STXBP6: variants seen among roughly 807,000 people sequenced by gnomAD.
STXBP6 encodes syntaxin-binding protein 6.
A neutral mutation model predicts 26.9 loss-of-function variants in STXBP6; 21 were observed. The observed-to-expected ratio is 0.78, with a 90% CI of 0.55 to 1.12. The LOEUF is 1.12. Among genes scored for constraint, STXBP6 ranks in the 50% most tolerant of loss-of-function variants. STXBP6 has a pLI of 0.00. For synonymous variants in STXBP6, 97 were observed against 92.6 expected, an observed-to-expected ratio of 1.05 and a Z score of -0.27; for missense variants, 232 against 257.9, an observed-to-expected ratio of 0.90 and a Z score of 0.69.
rs772558856 is a variant in STXBP6 at position 24,845,440 on chromosome 14, AC to A, written c.451+10495del. 7.9e-5 allele frequency among the ~76,000 whole-genome samples: 12 copies of A among 152,302 alleles called. No individual in the cohort carries two copies. The East Asian group carries it at 9.6e-4, about 12-fold the overall frequency. On this transcript the variant is annotated intron_variant, in intron 4 of 5. Transcript: ENST00000323944. ...AGTATACCAGCTGCTAAAGTAAGGA[AC>A]TTTTTGATATTACAGAACATGGCAA...
At chr14:24,915,616 T>C (rs1458223850) in intron 2 of STXBP6, among the ~76,000 whole-genome samples, 1 of 152,160 alleles carries the variant, frequency 6.6e-6, no homozygotes, top group Non-Finnish European at 1.5e-5. Context: ...TATGAGGTCA[T>C]AGCATGTGTA....
At chr14:24,998,503 C>T (rs1311824408) in intron 1 of STXBP6, among the ~76,000 whole-genome samples, 1 of 152,102 alleles carries the variant, frequency 6.6e-6, no homozygotes, top group South Asian at 2.1e-4. Flanking sequence ...CAGGGAATAA[C>T]AAAAGCTCTT....
chr14:24,835,467 T>C (rs991602264), intron 4 of STXBP6, among the ~76,000 whole-genome samples: 2 of 152,190 alleles, frequency 1.3e-5, no homozygotes, highest in East Asian at 1.9e-4. Context: ...GTCAATGACA[T>C]TGTTTTTGTA....
intron 2 of STXBP6, among the ~76,000 whole-genome samples, chr14:24,897,271 G>A (rs1416876279): frequency 4.0e-5 from 6 of 151,732 alleles, no homozygotes; most frequent in Admixed American, 6.6e-5. Flanking sequence ...TTAGCCAGGC[G>A]TGGTGGTGGG....
intron 2 of STXBP6, among the ~76,000 whole-genome samples, chr14:24,879,171 AT>A (rs1304936976): frequency 6.6e-6 from 1 of 152,206 alleles, no homozygotes; most frequent in Non-Finnish European, 1.5e-5. Flanking sequence ...CATCTACTGA[AT>A]TTATCATTCC....
chr14:25,037,558 A>G (rs1210781671), intron 1 of STXBP6, among the ~76,000 whole-genome samples: 2 of 152,188 alleles, frequency 1.3e-5, no homozygotes, highest in Non-Finnish European at 2.9e-5. Context: ...TTTACAGGCA[A>G]GTGTTATAAA....
intron 4 of STXBP6, among the ~76,000 whole-genome samples, chr14:24,855,559 A>G (rs1356365628): frequency 3.9e-5 from 6 of 152,116 alleles, no homozygotes; most frequent in African/African-American, 1.4e-4. Context: ...CTTGAGAAAA[A>G]ATAGAAAAAG....
At chr14:25,005,330 A>C (rs763685296) in intron 1 of STXBP6, among the ~76,000 whole-genome samples, 15 of 152,210 alleles carry the variant, frequency 9.9e-5, no homozygotes, top group Non-Finnish European at 2.1e-4. Flanking sequence ...ACCATATTCA[A>C]AATGAAATAA....
At chr14:24,860,187 A>C (rs2069484495) in intron 2 of STXBP6, among the ~76,000 whole-genome samples, 1 of 152,208 alleles carries the variant, frequency 6.6e-6, no homozygotes, top group Non-Finnish European at 1.5e-5. Flanking sequence ...TACAAACAAA[A>C]TTCGAAAACT....
At chr14:24,866,688 G>A (rs1367494555) in intron 2 of STXBP6, among the ~76,000 whole-genome samples, 1 of 151,712 alleles carries the variant, frequency 6.6e-6, no homozygotes, top group Non-Finnish European at 1.5e-5. Flanking sequence ...TCAAGGATTG[G>A]AGGACTTAAT....
At chr14:24,889,163 T>A (rs1288419327) in intron 2 of STXBP6, among the ~76,000 whole-genome samples, 2 of 149,402 alleles carry the variant, frequency 1.3e-5, no homozygotes, top group East Asian at 4.0e-4. Context: ...ACTTTTAAGG[T>A]CCTCTTCTTA....
At chr14:24,834,512 A>G (rs1484349585) in intron 4 of STXBP6, among the ~76,000 whole-genome samples, 1 of 152,224 alleles carries the variant, frequency 6.6e-6, no homozygotes, top group African/African-American at 2.4e-5. Context: ...GTATTGAGGA[A>G]TAAATAGTCC....
At chr14:24,933,949 C>T (rs891090078) in intron 2 of STXBP6, among the ~76,000 whole-genome samples, 19 of 151,884 alleles carry the variant, frequency 1.3e-4, no homozygotes, top group South Asian at 4.1e-4. Context: ...TTTAGGGACC[C>T]GAGAATTAGT....
intron 2 of STXBP6, among the ~76,000 whole-genome samples, chr14:24,940,173 C>T (rs1329198078): frequency 6.6e-6 from 1 of 152,114 alleles, no homozygotes; most frequent in Non-Finnish European, 1.5e-5. Flanking sequence ...AGCAGAACAC[C>T]CAGCTGATGT....
chr14:24,917,203 G>C (rs555481910), intron 2 of STXBP6, among the ~76,000 whole-genome samples: 1 of 151,838 alleles, frequency 6.6e-6, no homozygotes, highest in Non-Finnish European at 1.5e-5. Context: ...TTAACAACTC[G>C]GCACAATTTT....
intron 2 of STXBP6, among the ~76,000 whole-genome samples, chr14:24,969,428 A>T (rs531965567): frequency 6.6e-6 from 1 of 152,340 alleles, no homozygotes; most frequent in Non-Finnish European, 1.5e-5. Context: ...CTGATGTCTA[A>T]TAACAAACTG....
At chr14:24,818,217 A>T (rs2068036972) in intron 5 of STXBP6, 1 of 443,444 alleles carries the variant, frequency 2.3e-6, no homozygotes, top group African/African-American at 2.0e-5. Flanking sequence ...CCAGAAAAAA[A>T]ACTGCCCTTT....
chr14:25,024,270 T>C (rs949795481), intron 1 of STXBP6, among the ~76,000 whole-genome samples: 6 of 151,750 alleles, frequency 4.0e-5, no homozygotes, highest in African/African-American at 9.7e-5. Context: ...GATTGTGCCA[T>C]TGCACTCCAG....
At chr14:25,000,323 A>G (rs559076344) in intron 1 of STXBP6, among the ~76,000 whole-genome samples, 17 of 151,124 alleles carry the variant, frequency 1.1e-4, no homozygotes, top group Non-Finnish European at 2.2e-4. Flanking sequence ...TCGGCCTCCC[A>G]AAATGCTGGG....
Sources: allele counts gnomAD v4.1 joint callset (sites outside exome capture counted in the v4.1 genomes callset), GRCh38; gene constraint gnomAD v4.1.1; transcripts MANE v1.5; gene names NCBI Gene and HGNC (gene_info 2026-07-23, HGNC 2026-07-21).